EFHB: variants seen among roughly 807,000 people sequenced by gnomAD.
EFHB encodes the protein EF-hand domain family member B, also known as EF-hand domain-containing family member B.
In EFHB, 91 loss-of-function variants were observed where a neutral mutation model predicts 87.2. That is an observed-to-expected ratio of 1.04 (90% CI 0.88 to 1.24). The LOEUF is 1.24. EFHB is among the 50% of genes most tolerant of loss of function. EFHB has a pLI of 0.00. For missense variants in EFHB, 1,084 were observed against 998.8 expected, an observed-to-expected ratio of 1.09 and a Z score of -1.15; for synonymous variants, 325 against 333.6, an observed-to-expected ratio of 0.97 and a Z score of 0.28.
intron 5 of EFHB, among the ~76,000 whole-genome samples, chr3:19,912,298 T>C (rs1212000527): frequency 6.6e-6 from 1 of 152,150 alleles, no homozygotes; most frequent in African/African-American, 2.4e-5. Flanking sequence ...CCATGACATA[T>C]TTAAAGTGCT....
rs1695939166 is a variant in EFHB at position 19,934,109 on chromosome 3, C to T, written c.-91G>A. 4 of 1,471,430 alleles carry T rather than the reference C, an allele frequency of 2.7e-6. No individual in the cohort carries two copies. The highest frequency in any genetic ancestry group is 3.6e-6 in the Non-Finnish European group (4 of 1,117,292). The allele number at this position is 1,471,430 out of a possible 1,614,324, so 91.1% of individuals were successfully genotyped here. A position where few individuals can be genotyped will look rare whatever the true frequency, so the allele number is the denominator to read the frequency against. ...CTACAAAGACGCCTCCAATCCCTTGCGGAACCCCTCTCTCAGGAAAGAGCA... is the reference window on the plus strand; with the variant it reads ...CTACAAAGACGCCTCCAATCCCTTGTGGAACCCCTCTCTCAGGAAAGAGCA... On this transcript the variant is annotated 5_prime_UTR_variant, in exon 1 of 13. Transcript: ENST00000295824.
chr3:19,912,094 A>G (rs1559462108), intron 5 of EFHB, among the ~76,000 whole-genome samples: 1 of 152,298 alleles, frequency 6.6e-6, no homozygotes, highest in Non-Finnish European at 1.5e-5. Flanking sequence ...TCCAAGTACA[A>G]GAAGGTTATA....
intron 5 of EFHB, among the ~76,000 whole-genome samples, chr3:19,910,982 A>G (rs149007576): frequency 1.3e-5 from 2 of 152,340 alleles, no homozygotes; most frequent in East Asian, 3.9e-4. Flanking sequence ...ATGAATGGGT[A>G]CAAATAAGCA....
At position 19,882,724 on chromosome 3, in the gene EFHB, G is replaced by A. The variant is rs372045102; in HGVS notation, c.2154C>T (p.Pro718=). Residue 718 remains proline, a synonymous_variant, in exon 12 of 13, where the codon CCC becomes CCT. Transcript: ENST00000295824. Reference sequence around the variant, plus strand: ...ATCGAATGGTTGGAACACCACAAATGGGGTAACCTAGGTCATTGATGAGGG... The same window carrying A: ...ATCGAATGGTTGGAACACCACAAATAGGGTAACCTAGGTCATTGATGAGGG... ...IVGAIPSTCY[P]ICGVPTIRSD... is the part of the protein sequence containing the mutation. 99 of 1,611,846 alleles carry A rather than the reference G, an allele frequency of 6.1e-5. No homozygotes were observed. Among genetic ancestry groups the A allele is most frequent in the Non-Finnish European group, 7.8e-5 (92 of 1,178,706 alleles).
chr3:19,909,063 A>G (rs1482885199), intron 5 of EFHB, among the ~76,000 whole-genome samples: 1 of 130,222 alleles, frequency 7.7e-6, no homozygotes, highest in Non-Finnish European at 1.6e-5. Context: ...GACCAAGTTG[A>G]CAACTATCTA....
Position 19,888,401 on chromosome 3 carries a change from T to C in EFHB, c.1933+43A>G, listed in dbSNP as rs775627295. The C allele has an allele frequency of 1.7e-6, 2 of 1,156,436 alleles. 1 individual carries two copies. Among genetic ancestry groups the C allele is most frequent in the South Asian group, 5.3e-5 (2 of 37,752 alleles). The allele number at this position is 1,156,436 out of a possible 1,614,324, so 71.6% of individuals were successfully genotyped here. On this transcript the variant is annotated intron_variant, in intron 10 of 12. Coordinates refer to ENST00000295824, the MANE Select transcript of EFHB (RefSeq NM_144715.4). The stretch of plus-strand genomic sequence containing the variant: ...AAAATAATAATAATAAATTTTAAAA[T>C]TTAAAAAAATAATAATTCATCAAAC...
At chr3:19,916,304 C>G (rs970943699) in intron 4 of EFHB, among the ~76,000 whole-genome samples, 2 of 151,880 alleles carry the variant, frequency 1.3e-5, no homozygotes, top group African/African-American at 4.8e-5. Context: ...CATCTGGGGT[C>G]GGGAGTTCAA....
intron 9 of EFHB, among the ~76,000 whole-genome samples, chr3:19,895,252 C>A (rs1440746643): frequency 2.0e-5 from 3 of 151,564 alleles, no homozygotes; most frequent in Admixed American, 1.3e-4. Context: ...GAGGCCGAGG[C>A]GGGTGGGTCA....
At chr3:19,934,398 C>T (rs113871168), upstream of EFHB, among the ~76,000 whole-genome samples, 6 of 125,610 alleles carry the variant, frequency 4.8e-5, no homozygotes, top group South Asian at 2.9e-4. Context: ...TCTGCCCCCC[C>T]TTCTCTCTCC....
In EFHB at chr3:19,884,568, G is replaced by A; in HGVS notation, c.1981C>T (p.Pro661Ser). The A allele has an allele frequency of 6.2e-7, 1 of 1,613,886 alleles. No homozygotes were observed. Among genetic ancestry groups the A allele is most frequent in the Non-Finnish European group, 8.5e-7 (1 of 1,179,878 alleles). ...VNPTEANVEEPEQTLLIKPED... is the reference protein window; with the variant it reads ...VNPTEANVEESEQTLLIKPED... ...GGCTTTATGAGGAGAGTTTGTTCAG[G>A]TTCTTCAACATTAGCCTCAGTAGGG... is the stretch of plus-strand genomic sequence containing the variant. Residue 661 changes from proline (P) to serine (S), a missense_variant, in exon 11 of 13, where the codon CCT becomes TCT. Transcript: ENST00000295824.
intron 7 of EFHB, among the ~76,000 whole-genome samples, chr3:19,899,209 A>G (rs990505740): frequency 1.3e-5 from 2 of 152,220 alleles, no homozygotes; most frequent in Non-Finnish European, 2.9e-5. Flanking sequence ...TTTATGCAAA[A>G]TTATCCCTCT....
chr3:19,908,751 G>A (rs62279134), intron 5 of EFHB, among the ~76,000 whole-genome samples: 28,164 of 151,914 alleles, frequency 0.19, 3,382 homozygotes, highest in Non-Finnish European at 0.27. Context: ...TATCACTTTA[G>A]TAATGATTAA....
Position 19,898,828 on chromosome 3 carries a change from T to G in EFHB, c.1520A>C (p.Asn507Thr). ...RVLDPIAETMNVPPDCTFGAC... is the reference protein window; with the variant it reads ...RVLDPIAETMTVPPDCTFGAC... Reference sequence around the variant, plus strand: ...TCCAAATGTGCAGTCTGGGGGAACATTCATTGTTTCTGCAATGCTATCAAA... The same window carrying G: ...TCCAAATGTGCAGTCTGGGGGAACAGTCATTGTTTCTGCAATGCTATCAAA... The change falls in exon 8 of 13, where the codon AAT becomes ACT. Residue 507 changes from asparagine (N) to threonine (T), a missense_variant. Coordinates refer to ENST00000295824, the MANE Select transcript of EFHB (RefSeq NM_144715.4). 3 of 1,613,836 alleles carry G rather than the reference T, an allele frequency of 1.9e-6. No individual in the cohort carries two copies. Among genetic ancestry groups the G allele is most frequent in the African/African-American group, 2.7e-5 (2 of 75,048 alleles).
At chr3:19,889,586 C>T (rs1694235442) in intron 9 of EFHB, among the ~76,000 whole-genome samples, 1 of 152,176 alleles carries the variant, frequency 6.6e-6, no homozygotes. Flanking sequence ...GAGAAACTGA[C>T]TCGATGAATT....
intron 1 of EFHB, chr3:19,941,135 G>C (rs893860067): frequency 1.3e-5 from 5 of 378,542 alleles, no homozygotes; most frequent in African/African-American, 1.1e-4. Context: ...TCTTGGAGAA[G>C]CTTCTGAATC....
intron 6 of EFHB, among the ~76,000 whole-genome samples, chr3:19,900,643 A>G (rs1283291911): frequency 6.6e-6 from 1 of 152,168 alleles, no homozygotes; most frequent in Non-Finnish European, 1.5e-5. Flanking sequence ...AAATGTAGAA[A>G]AGAGCCTGGG....
At chr3:19,927,229 G>C (rs935137961) in intron 1 of EFHB, among the ~76,000 whole-genome samples, 2 of 152,168 alleles carry the variant, frequency 1.3e-5, no homozygotes, top group Non-Finnish European at 2.9e-5. Flanking sequence ...TGGAAATCAA[G>C]GGACAGTCTC....
At chr3:19,919,737 A>G in intron 3 of EFHB, 96 bp downstream of exon 3, 1 of 1,201,744 alleles carries the variant, frequency 8.3e-7, no homozygotes, top group Non-Finnish European at 1.2e-6. Flanking sequence ...ATGGGTGGGA[A>G]GGAGATTGGA....
At chr3:19,898,431 T>C (rs1488584731) in intron 8 of EFHB, among the ~76,000 whole-genome samples, 1 of 152,214 alleles carries the variant, frequency 6.6e-6, no homozygotes, top group Non-Finnish European at 1.5e-5. Context: ...GACCACACTT[T>C]GAGACGTTAG....
Sources: allele counts gnomAD v4.1 joint callset (sites outside exome capture counted in the v4.1 genomes callset), GRCh38; gene constraint gnomAD v4.1.1; transcripts MANE v1.5; gene names NCBI Gene and HGNC (gene_info 2026-07-23, HGNC 2026-07-21).